Variants in RAD51B observed in about 807,000 individuals in gnomAD.
The protein encoded by RAD51B is DNA repair protein RAD51 homolog 2.
A neutral mutation model predicts 42.2 loss-of-function variants in RAD51B; 38 were observed. The ratio of observed to expected loss-of-function variants is 0.90; its 90% confidence interval spans 0.70 to 1.18. The LOEUF (loss-of-function observed/expected upper bound fraction) is 1.18, where lower values mean the gene tolerates loss of function less well. Ranked by LOEUF, RAD51B falls within the 50% of genes most tolerant of loss-of-function variation. RAD51B has a pLI of 0.00. For missense variants in RAD51B, 373 were observed against 400.7 expected, an observed-to-expected ratio of 0.93 and a Z score of 0.59; for synonymous variants, 154 against 145.2, an observed-to-expected ratio of 1.06 and a Z score of -0.43.
intron 7 of RAD51B, among the ~76,000 whole-genome samples, chr14:68,058,235 C>G (rs2076510914): frequency 6.6e-6 from 1 of 151,908 alleles, no homozygotes; most frequent in African/African-American, 2.4e-5. Context: ...ATTGGTTTAC[C>G]AGTTTCCTGA....
At chr14:68,343,640 C>A (rs750854114) in intron 8 of RAD51B, among the ~76,000 whole-genome samples, 3 of 152,208 alleles carry the variant, frequency 2.0e-5, no homozygotes, top group Non-Finnish European at 2.9e-5. Context: ...GAAAGATTAG[C>A]GTGACTAAAA....
chr14:68,537,236 C>G (rs535349413), intron 10 of RAD51B, among the ~76,000 whole-genome samples: 1 of 151,022 alleles, frequency 6.6e-6, no homozygotes, highest in Non-Finnish European at 1.5e-5. Context: ...CAGTGGCTCA[C>G]GCCTGTAATC....
At position 68,408,684 on chromosome 14, in the gene RAD51B, G is replaced by A. The variant is rs374716586; in HGVS notation, c.854-2740G>A. Among the ~76,000 whole-genome samples, 16 of 152,160 alleles carry A rather than the reference G, an allele frequency of 1.1e-4. No individual in the cohort carries two copies. The South Asian group carries it at 2.1e-3, about 20-fold the overall frequency. ...TAAAAAGCATTGATTTCTGGCTTCC[G>A]TTTTAAAAATCAAAATTGCGCTTTA... On this transcript the variant is annotated intron_variant, in intron 8 of 10. Coordinates refer to ENST00000471583, the MANE Select transcript of RAD51B (RefSeq NM_133510.4).
At chr14:68,461,565 GGTT>G (rs1566897467) in intron 9 of RAD51B, among the ~76,000 whole-genome samples, 1 of 152,066 alleles carries the variant, frequency 6.6e-6, no homozygotes, top group Non-Finnish European at 1.5e-5. Context: ...AACGTCCATT[GGTT>G]GTTGTTGTTC....
intron 7 of RAD51B, among the ~76,000 whole-genome samples, chr14:68,148,857 T>C (rs1345320628): frequency 6.6e-6 from 1 of 152,242 alleles, no homozygotes; most frequent in Non-Finnish European, 1.5e-5. Context: ...ATGTTTAAGA[T>C]AGGCTAAGCC....
intron 7 of RAD51B, among the ~76,000 whole-genome samples, chr14:68,037,038 C>A (rs552202372): frequency 2.7e-4 from 28 of 105,548 alleles, no homozygotes; most frequent in Non-Finnish European, 3.8e-4. Context: ...CTCCCTCCCC[C>A]CCTCCCTTCC....
intron 7 of RAD51B, among the ~76,000 whole-genome samples, chr14:68,260,319 G>GTGT (rs1555383057): frequency 6.6e-5 from 9 of 136,258 alleles, no homozygotes; most frequent in Middle Eastern, 3.5e-3. Context: ...GTGTGTGTGT[G>GTGT]GAGAGGGGAA....
intron 7 of RAD51B, among the ~76,000 whole-genome samples, chr14:68,158,835 C>T (rs2078573800): frequency 6.6e-6 from 1 of 151,994 alleles, no homozygotes; most frequent in African/African-American, 2.4e-5. Context: ...CTTTCATTGG[C>T]CACATAGAGG....
In RAD51B at chr14:67,861,331, G is replaced by T. The variant is rs942308134; in HGVS notation, c.316-3672G>T. On this transcript the variant is annotated intron_variant, in intron 4 of 10. Coordinates refer to ENST00000471583, the MANE Select transcript of RAD51B (RefSeq NM_133510.4). ...TTATCTTACAGCAAAGACTGTAAAAGAATCATTGAACTTAAAAGATGGGTT... is the reference window on the plus strand; with the variant it reads ...TTATCTTACAGCAAAGACTGTAAAATAATCATTGAACTTAAAAGATGGGTT... 4.6e-5 allele frequency among the ~76,000 whole-genome samples: 7 copies of T among 151,850 alleles called. No individual in the cohort carries two copies. In the East Asian group the frequency reaches 1.2e-3, roughly 25 times the overall value.
rs561237184 is a variant in RAD51B at position 68,330,543 on chromosome 14, G to A, written c.853+38563G>A. On this transcript the variant is annotated intron_variant, in intron 8 of 10. Transcript: ENST00000471583. ...AGGATGTACTTATCAAAAGAGTGTG[G>A]AACCACTTGCTGTATGTCTTAAAAG... is the stretch of plus-strand genomic sequence containing the variant. Among the ~76,000 whole-genome samples the A allele has an allele frequency of 1.4e-3, 214 of 152,200 alleles. 1 individual carries two copies. Among genetic ancestry groups the A allele is most frequent in the Admixed American group, 2.6e-3 (39 of 15,278 alleles).
chr14:68,316,920 A>T (rs2082074087), intron 8 of RAD51B, among the ~76,000 whole-genome samples: 1 of 152,224 alleles, frequency 6.6e-6, no homozygotes, highest in South Asian at 2.1e-4. Context: ...AAGTCTTGTC[A>T]TCATATAATC....
intron 8 of RAD51B, among the ~76,000 whole-genome samples, chr14:68,365,648 A>C (rs1345192230): frequency 6.6e-6 from 1 of 152,242 alleles, no homozygotes; most frequent in Non-Finnish European, 1.5e-5. Flanking sequence ...GTTCTAAAAA[A>C]CAAATTTTTT....
chr14:68,227,736 A>G (rs140661044), intron 7 of RAD51B, among the ~76,000 whole-genome samples: 156 of 152,258 alleles, frequency 1.0e-3, no homozygotes, highest in African/African-American at 3.6e-3. Flanking sequence ...ACACTTACAT[A>G]TTCAGATTCT....
intron 7 of RAD51B, among the ~76,000 whole-genome samples, chr14:68,121,811 G>A (rs182370306): frequency 2.0e-5 from 3 of 152,108 alleles, no homozygotes; most frequent in South Asian, 2.1e-4. Context: ...AGAACATTGC[G>A]GTGGGACTAG....
chr14:68,573,685 C>T (rs186429165), intron 10 of RAD51B, among the ~76,000 whole-genome samples: 216 of 152,296 alleles, frequency 1.4e-3, no homozygotes, highest in African/African-American at 4.8e-3. Flanking sequence ...CTGTGTAGGG[C>T]GCCTAGCAGG....
intron 7 of RAD51B, among the ~76,000 whole-genome samples, chr14:68,019,414 A>G (rs556781140): frequency 6.6e-6 from 1 of 152,322 alleles, no homozygotes; most frequent in South Asian, 2.1e-4. Context: ...CATGGTTGAC[A>G]AAAGTATAGC....
At chr14:68,137,252 A>C (rs541116539) in intron 7 of RAD51B, among the ~76,000 whole-genome samples, 6 of 152,258 alleles carry the variant, frequency 3.9e-5, no homozygotes, top group African/African-American at 1.4e-4. Flanking sequence ...CTCCTGATAG[A>C]AGGAAAACTG....
At chr14:67,926,827 GC>G (rs1408864004) in intron 7 of RAD51B, among the ~76,000 whole-genome samples, 1 of 152,118 alleles carries the variant, frequency 6.6e-6, no homozygotes, top group African/African-American at 2.4e-5. Context: ...CTCCCAGAGT[GC>G]TGGAATTACA....
chr14:68,521,271 T>A (rs886953079), intron 10 of RAD51B, among the ~76,000 whole-genome samples: 10 of 152,082 alleles, frequency 6.6e-5, no homozygotes, highest in African/African-American at 2.4e-4. Flanking sequence ...AGTACCAACA[T>A]CAGAAAAGCA....
Sources: gnomAD v4.1 joint callset for allele counts (sites outside exome capture counted in the v4.1 genomes callset) on GRCh38, gnomAD v4.1.1 for gene constraint, MANE v1.5 for transcripts, NCBI Gene and HGNC (gene_info 2026-07-23, HGNC 2026-07-21) for gene names.